Variants in ECE1 observed in about 807,000 individuals in gnomAD.
ECE1 encodes the protein endothelin converting enzyme 1, also known as endothelin-converting enzyme 1.
ECE1 carries 35 observed loss-of-function variants against 98.6 expected under a neutral mutation model. That is an observed-to-expected ratio of 0.35 (90% CI 0.27 to 0.47). ECE1 has a LOEUF of 0.47. Among genes scored for constraint, ECE1 ranks in the 20% least tolerant of loss-of-function variants. The pLI is 1.00. For missense variants in ECE1, 814 were observed against 1,025.3 expected (o/e 0.79, Z 2.81); for synonymous variants, 394 against 407.1 (o/e 0.97, Z 0.39).
At chr1:21,341,812 T>C (rs1273766789) in intron 1 of ECE1, among the ~76,000 whole-genome samples, 1 of 151,646 alleles carries the variant, frequency 6.6e-6, no homozygotes, top group African/African-American at 2.4e-5. Context: ...TCCCTACCTT[T>C]TTTTTTTTTA....
Position 21,220,200 on chromosome 1 carries a change from A to G in ECE1, c.2137-69T>C. The G allele has an allele frequency of 2.6e-6, 4 of 1,539,734 alleles. No individual in the cohort carries two copies. Among genetic ancestry groups the G allele is most frequent in the Non-Finnish European group, 3.5e-6 (4 of 1,137,210 alleles). On this transcript the variant is annotated intron_variant, in intron 18 of 18. Coordinates refer to ENST00000374893, the MANE Select transcript of ECE1 (RefSeq NM_001397.3). This position sits in a 1 kb window ranked among gnomAD's most constrained non-coding sequence, Gnocchi z 5.0. ...CTCGGGCTGCCAGACTGCCCCCATTATAACAGCAGGGGAGGCCAGGTGCGG... is the reference window on the plus strand; with the variant it reads ...CTCGGGCTGCCAGACTGCCCCCATTGTAACAGCAGGGGAGGCCAGGTGCGG...
intron 1 of ECE1, among the ~76,000 whole-genome samples, chr1:21,305,529 C>CAACG (rs1402422948): frequency 6.6e-6 from 1 of 152,176 alleles, no homozygotes; most frequent in Non-Finnish European, 1.5e-5. Flanking sequence ...GCACATACAC[C>CAACG]AACGTCCTCA....
At chr1:21,247,079 C>T in intron 9 of ECE1, 142 bp downstream of exon 9, 1 of 1,186,168 alleles carries the variant, frequency 8.4e-7, no homozygotes, top group Non-Finnish European at 1.2e-6. Context: ...GTGCCTGTAA[C>T]CAGGATGTCC....
Position 21,345,210 on chromosome 1 carries a change from G to T in ECE1, c.3+166C>A. 1.1e-6 allele frequency: 1 copy of T among 943,542 alleles called. No homozygotes were observed. Among genetic ancestry groups the T allele is most frequent in the Non-Finnish European group, 1.3e-6 (1 of 751,544 alleles). 58.4% of individuals were successfully genotyped at this position (943,542 alleles called of 1,614,324 possible). A position where few individuals can be genotyped will look rare whatever the true frequency, so the allele number is the denominator to read the frequency against. On this transcript the variant is annotated intron_variant, in intron 1 of 18. Transcript: ENST00000415912. This position sits in a 1 kb window ranked among gnomAD's most constrained non-coding sequence, Gnocchi z 5.1. ...GCCGGGAGAGCCGCGCTCTGCCCGG[G>T]CGCTCCCCGACTCCACGCCTTCCGA...
At position 21,233,566 on chromosome 1, in the gene ECE1, G is replaced by T; in HGVS notation, c.1662C>A (p.Asn554Lys). ...VTADQLRKAP[N>K]RDQWSMTPPM... ...GGCCTGGGGGAACTCACTGATCTCT[G>T]TTGGGGGCTTTCCTGAGCTGATCGG... is the stretch of plus-strand genomic sequence containing the variant. The change falls in exon 14 of 19, where the codon AAC (asparagine) becomes AAA (lysine). Residue 554 changes from asparagine (N) to lysine (K), a missense_variant. Around this residue, in one of 3 missense-constraint regions of ECE1, gnomAD observed 452 missense variants for 567.3 expected, o/e 0.80. Transcript: ENST00000374893. This position sits in a 1 kb window ranked among gnomAD's most constrained non-coding sequence, Gnocchi z 4.0. 1 of 1,613,564 alleles carries T rather than the reference G, an allele frequency of 6.2e-7. No individual in the cohort carries two copies. The highest frequency in any genetic ancestry group is 2.2e-5 in the East Asian group (1 of 44,874).
chr1:21,324,339 G>T (rs575344788), intron 1 of ECE1, among the ~76,000 whole-genome samples: 1 of 152,226 alleles, frequency 6.6e-6, no homozygotes, highest in Admixed American at 6.5e-5. Flanking sequence ...GAGGAAGCAG[G>T]GGGCAGAGGC....
intron 1 of ECE1, among the ~76,000 whole-genome samples, chr1:21,306,337 T>TG (rs1162537426): frequency 6.6e-6 from 1 of 151,924 alleles, no homozygotes; most frequent in African/African-American, 2.4e-5. Context: ...TTTTTTGTTT[T>TG]TTTTTTTTTC....
At chr1:21,305,161 C>A (rs1638569479) in intron 1 of ECE1, among the ~76,000 whole-genome samples, 1 of 152,192 alleles carries the variant, frequency 6.6e-6, no homozygotes, top group South Asian at 2.1e-4. Context: ...TGCTTCATAG[C>A]CACACATAGG....
In ECE1 at chr1:21,225,371, CGCTTGAAGG is replaced by C. The variant is rs2098172777; in HGVS notation, c.1910_1918del (p.Ala637_Arg640delinsGly). 2 of 1,614,218 alleles carry C rather than the reference CGCTTGAAGG, an allele frequency of 1.2e-6. No individual in the cohort carries two copies. Among genetic ancestry groups the C allele is most frequent in the Non-Finnish European group, 1.7e-6 (2 of 1,180,042 alleles). ...CTGCTCTACCATGCACTCGGTCTGA[CGCTTGAAGG>C]CCTCCACGGATGAGTTCTTCCACCA... On this transcript the variant is annotated inframe_deletion, in exon 17 of 19. Coordinates refer to ENST00000374893, the MANE Select transcript of ECE1 (RefSeq NM_001397.3). This position sits in a 1 kb window ranked among gnomAD's most constrained non-coding sequence, Gnocchi z 5.3.
At chr1:21,261,455 C>T (rs2098226706) in intron 4 of ECE1, among the ~76,000 whole-genome samples, 1 of 152,066 alleles carries the variant, frequency 6.6e-6, no homozygotes, top group Admixed American at 6.6e-5. Context: ...CATCCCTGTC[C>T]CCAAGGAGCT....
intron 1 of ECE1, among the ~76,000 whole-genome samples, chr1:21,320,190 G>A (rs1177038728): frequency 1.3e-5 from 2 of 152,308 alleles, no homozygotes; most frequent in African/African-American, 2.4e-5. Context: ...GGTTTGCTGC[G>A]TCCAGCTGAT....
At chr1:21,279,807 C>T in intron 2 of ECE1, 1 of 875,092 alleles carries the variant, frequency 1.1e-6, no homozygotes, top group Non-Finnish European at 1.4e-6. Flanking sequence ...CCCTCATAAT[C>T]CCACGCAAAA....
In ECE1 at chr1:21,342,838, G is replaced by A. The variant is rs891288571; in HGVS notation, c.3+2538C>T. 1.2e-4 allele frequency among the ~76,000 whole-genome samples: 18 copies of A among 152,176 alleles called. 1 individual carries two copies. The highest frequency in any genetic ancestry group is 4.1e-4 in the African/African-American group (17 of 41,440). On this transcript the variant is annotated intron_variant, in intron 1 of 18. Transcript: ENST00000415912. The stretch of plus-strand genomic sequence containing the variant: ...ACCAATGTTTAGAGGAAATTAAAAT[G>A]ACAGGAGCCAGGGAGGCCTGACATC...
rs2098172464 is a variant in ECE1, at chr1:21,225,233, G to C, written c.2040+17C>G. 2 of 1,613,550 alleles carry C rather than the reference G, an allele frequency of 1.2e-6. No individual in the cohort carries two copies. The highest frequency in any genetic ancestry group is 1.7e-6 in the Non-Finnish European group (2 of 1,179,966). ...CCAGCACTGGGACCGTGCGCGTGTG[G>C]GGAGCGGGGCTCTCACCCGATAGGC... On this transcript the variant is annotated intron_variant, in intron 17 of 18. Coordinates refer to ENST00000374893, the MANE Select transcript of ECE1 (RefSeq NM_001397.3). The surrounding 1 kb of genome is among the most constrained non-coding windows in gnomAD (Gnocchi z 5.3).
chr1:21,322,020 C>T lies in ECE1; in HGVS notation c.3+23356G>A, dbSNP rs1638976008. On this transcript the variant is annotated intron_variant, in intron 1 of 18. Transcript: ENST00000415912. The surrounding 1 kb of genome is among the most constrained non-coding windows in gnomAD (Gnocchi z 4.1). Reference sequence around the variant, plus strand: ...GGCCAGTTGGTGTGATTCCCAGGTCCGAATGAAACAGAGCTGCGTCCCCGG... The same window carrying T: ...GGCCAGTTGGTGTGATTCCCAGGTCTGAATGAAACAGAGCTGCGTCCCCGG... Among the ~76,000 whole-genome samples the T allele has an allele frequency of 1.3e-5, 2 of 152,230 alleles. No individual in the cohort carries two copies. Among genetic ancestry groups the T allele is most frequent in the African/African-American group, 2.4e-5 (1 of 41,542 alleles).
chr1:21,280,575 A>C (rs1306869723), intron 2 of ECE1, among the ~76,000 whole-genome samples: 1 of 152,126 alleles, frequency 6.6e-6, no homozygotes, highest in Non-Finnish European at 1.5e-5. Context: ...GATTAGATTT[A>C]CCCTTTGGGA....
chr1:21,284,819 C>T (rs528183498), intron 2 of ECE1, among the ~76,000 whole-genome samples: 3 of 152,266 alleles, frequency 2.0e-5, no homozygotes, highest in East Asian at 1.9e-4. Context: ...CTGGGCTGCA[C>T]GAAGCAGCAA....
chr1:21,279,752 AT>A (rs2098252228), intron 2 of ECE1: 2 of 1,231,914 alleles, frequency 1.6e-6, no homozygotes, highest in Admixed American at 7.8e-5. Flanking sequence ...TGACACAGCC[AT>A]GGCTCACACT....
intron 1 of ECE1, among the ~76,000 whole-genome samples, chr1:21,326,876 CT>C (rs1211210104): frequency 6.6e-6 from 1 of 152,150 alleles, no homozygotes; most frequent in African/African-American, 2.4e-5. Flanking sequence ...CCTGCGTCTC[CT>C]TTCTCTTCAT....
Sources: gnomAD v4.1 joint callset for allele counts (sites outside exome capture counted in the v4.1 genomes callset) on GRCh38, gnomAD v4.1.1 for gene constraint, gnomAD v4.1.1 regional missense constraint, Gnocchi (gnomAD v3.1) non-coding constraint, MANE v1.5 for transcripts, NCBI Gene and HGNC (gene_info 2026-07-23, HGNC 2026-07-21) for gene names.